The following NRG1 variants were observed in gnomAD, a reference collection of about 807,000 sequenced individuals.
NRG1 encodes the protein pro-neuregulin-1, membrane-bound isoform.
In NRG1, 18 loss-of-function variants were observed where a neutral mutation model predicts 63.8. The ratio of observed to expected loss-of-function variants is 0.28; its 90% CI spans 0.19 to 0.42. The LOEUF is 0.42. Among genes scored for constraint, NRG1 ranks in the 10% least tolerant of loss-of-function variants. NRG1 has a pLI of 1.00. For synonymous variants in NRG1, 302 were observed against 301.3 expected, an observed-to-expected ratio of 1.00 and a Z score of -0.02; for missense variants, 762 against 814.7, an observed-to-expected ratio of 0.94 and a Z score of 0.79.
At chr8:32,417,574 G>T (rs993542451) in intron 1 of NRG1, among the ~76,000 whole-genome samples, 1 of 152,106 alleles carries the variant, frequency 6.6e-6, no homozygotes, top group Non-Finnish European at 1.5e-5. Flanking sequence ...TTGTCTTTAT[G>T]TTCAAAGATC....
chr8:32,088,981 T>A (rs1195167041), intron 1 of NRG1, among the ~76,000 whole-genome samples: 2 of 152,174 alleles, frequency 1.3e-5, no homozygotes, highest in East Asian at 1.9e-4. Context: ...CTCCCACACA[T>A]GGCCTATTTT....
At chr8:31,761,594 A>G (rs1399167371) in intron 1 of NRG1, among the ~76,000 whole-genome samples, 1 of 152,148 alleles carries the variant, frequency 6.6e-6, no homozygotes, top group East Asian at 1.9e-4. Flanking sequence ...GGGAGGCCAG[A>G]GGAGAGGGAG....
intron 1 of NRG1, among the ~76,000 whole-genome samples, chr8:32,166,504 C>T (rs1019273096): frequency 2.6e-5 from 4 of 152,048 alleles, no homozygotes; most frequent in South Asian, 2.1e-4. Flanking sequence ...TTATATTATC[C>T]GGTGACATCA....
At chr8:31,811,772 A>G (rs996375576) in intron 1 of NRG1, among the ~76,000 whole-genome samples, 4 of 152,186 alleles carry the variant, frequency 2.6e-5, no homozygotes, top group Non-Finnish European at 5.9e-5. Flanking sequence ...GTTTATTAAG[A>G]GATTGTAATT....
At chr8:31,780,858 G>A (rs547385231) in intron 1 of NRG1, among the ~76,000 whole-genome samples, 1 of 152,092 alleles carries the variant, frequency 6.6e-6, no homozygotes, top group Non-Finnish European at 1.5e-5. Flanking sequence ...CTTTGAATAA[G>A]GTCTTTTTGC....
At chr8:31,707,592 C>T (rs1422889041) in intron 1 of NRG1, among the ~76,000 whole-genome samples, 3 of 151,982 alleles carry the variant, frequency 2.0e-5, no homozygotes, top group Middle Eastern at 3.2e-3. Flanking sequence ...TTTATGATCT[C>T]GAAATTTATT....
intron 1 of NRG1, among the ~76,000 whole-genome samples, chr8:32,393,773 C>T (rs997832186): frequency 3.3e-5 from 5 of 152,050 alleles, no homozygotes; most frequent in Non-Finnish European, 5.9e-5. Flanking sequence ...GAAAAAATAA[C>T]TGTTGGGTAC....
chr8:32,039,851 G>T (rs1312896605), intron 1 of NRG1, among the ~76,000 whole-genome samples: 10 of 151,276 alleles, frequency 6.6e-5, no homozygotes, highest in Admixed American at 3.3e-4. Flanking sequence ...AGACCTTATC[G>T]CTACAAAATA....
intron 5 of NRG1, among the ~76,000 whole-genome samples, chr8:32,621,218 C>CT (rs1482329176): frequency 5.3e-5 from 8 of 151,940 alleles, no homozygotes; most frequent in African/African-American, 1.9e-4. Flanking sequence ...TTTTTAAGTT[C>CT]TTTATACTAA....
At chr8:32,233,665 A>G (rs966289446) in intron 1 of NRG1, among the ~76,000 whole-genome samples, 1 of 150,846 alleles carries the variant, frequency 6.6e-6, no homozygotes, top group African/African-American at 2.4e-5. Flanking sequence ...CCTGGGTTCA[A>G]GTGATTCTCC....
At chr8:32,457,124 T>C (rs922055379) in intron 1 of NRG1, among the ~76,000 whole-genome samples, 2 of 152,130 alleles carry the variant, frequency 1.3e-5, no homozygotes, top group African/African-American at 4.8e-5. Context: ...GGAGTGAGAC[T>C]TTCTCAAAAA....
At chr8:31,911,916 A>C (rs567096155) in intron 1 of NRG1, among the ~76,000 whole-genome samples, 36 of 152,326 alleles carry the variant, frequency 2.4e-4, no homozygotes, top group African/African-American at 8.4e-4. Flanking sequence ...AAAGAGAAAG[A>C]GCATTGAACT....
chr8:31,696,106 C>T (rs1049776198), intron 1 of NRG1, among the ~76,000 whole-genome samples: 2 of 152,262 alleles, frequency 1.3e-5, no homozygotes, highest in African/African-American at 2.4e-5. Context: ...CTTACTCTGT[C>T]GCCCAGGCTG....
chr8:32,327,914 C>A (rs1041028321), intron 1 of NRG1, among the ~76,000 whole-genome samples: 6 of 152,138 alleles, frequency 3.9e-5, no homozygotes, highest in Admixed American at 3.9e-4. Context: ...GAAAAAGTCA[C>A]CAACTCTATC....
chr8:32,003,479 A>G (rs1445299886), intron 1 of NRG1, among the ~76,000 whole-genome samples: 4 of 152,064 alleles, frequency 2.6e-5, no homozygotes, highest in African/African-American at 9.7e-5. Flanking sequence ...AATCACTTTG[A>G]GGAACTTGTC....
chr8:32,610,460 A>G (rs1217221655), intron 3 of NRG1, among the ~76,000 whole-genome samples: 1 of 152,184 alleles, frequency 6.6e-6, no homozygotes, highest in Non-Finnish European at 1.5e-5. Context: ...AAATAAAATT[A>G]GATCATAAAA....
chr8:32,508,106 A>G (rs1018911969), intron 1 of NRG1, among the ~76,000 whole-genome samples: 4 of 152,238 alleles, frequency 2.6e-5, no homozygotes, highest in Admixed American at 1.3e-4. Context: ...CTTTTCAACC[A>G]TTAACAAAGA....
At chr8:32,423,158 G>A (rs565731270) in intron 1 of NRG1, among the ~76,000 whole-genome samples, 8 of 152,298 alleles carry the variant, frequency 5.3e-5, no homozygotes, top group Middle Eastern at 6.8e-3. Flanking sequence ...TCAATTCACT[G>A]GAAAGTATCA....
chr8:32,763,495 A>G, intron 11 of NRG1: 1 of 1,153,864 alleles, frequency 8.7e-7, no homozygotes. Flanking sequence ...GATGAGATTG[A>G]AAATCCCAAA....
Sources: allele counts gnomAD v4.1 joint callset (sites outside exome capture counted in the v4.1 genomes callset), GRCh38; gene constraint gnomAD v4.1.1; transcripts MANE v1.5; gene names NCBI Gene and HGNC (gene_info 2026-07-23, HGNC 2026-07-21).